The following UNC13C variants were observed in gnomAD, a reference collection of about 807,000 sequenced individuals.
UNC13C encodes protein unc-13 homolog C.
Under a neutral mutation model 245.4 loss-of-function variants are expected in UNC13C, and 174 were observed. The observed-to-expected ratio is 0.71, with a 90% CI of 0.63 to 0.80. UNC13C has a LOEUF of 0.80. UNC13C is among the 30% of genes least tolerant of loss of function. UNC13C has a pLI of 0.00. For synonymous variants in UNC13C, 992 were observed against 895.1 expected, an observed-to-expected ratio of 1.11 and a Z score of -1.93; for missense variants, 2,829 against 2,602.9, an observed-to-expected ratio of 1.09 and a Z score of -1.89.
At chr15:54,181,928 C>T (rs1321657355) in intron 4 of UNC13C, among the ~76,000 whole-genome samples, 2 of 151,900 alleles carry the variant, frequency 1.3e-5, no homozygotes, top group African/African-American at 4.8e-5. Flanking sequence ...TTCCAAAAGC[C>T]TTTTGGCAGA....
At chr15:54,088,201 CTTTTTTTTTTTTTTTTT>C (rs59075201) in intron 2 of UNC13C, among the ~76,000 whole-genome samples, 1 of 103,926 alleles carries the variant, frequency 9.6e-6, no homozygotes, top group Non-Finnish European at 1.9e-5. Context: ...CTTCCTTTTC[CTTTTTTTTTTTTTTTTT>C]TTTTTTTTTA....
intron 2 of UNC13C, among the ~76,000 whole-genome samples, chr15:54,133,165 A>T (rs1191033085): frequency 6.6e-6 from 1 of 152,180 alleles, no homozygotes; most frequent in African/African-American, 2.4e-5. Context: ...GAGCTAGAAG[A>T]TTTAGATAGA....
rs1246982047 is a variant in UNC13C at position 54,038,120 on chromosome 15, A to ATTTTTTTTTTTTTT, written c.2983+22235_2983+22236insTTTTTTTTTTTTTT. Reference sequence around the variant, plus strand: ...TATACATATATATATATATATATATATATATTTTTTTTTTTTTTTTCCTGA... The same window carrying ATTTTTTTTTTTTTT: ...TATACATATATATATATATATATATATTTTTTTTTTTTTTTATATTTTTTTTTTTTTTTTCCTGA... On this transcript the variant is annotated intron_variant, in intron 2 of 32. Transcript: ENST00000260323. 9.3e-4 allele frequency among the ~76,000 whole-genome samples: 42 copies of ATTTTTTTTTTTTTT among 45,176 alleles called. 2 individuals carry two copies. Among genetic ancestry groups the ATTTTTTTTTTTTTT allele is most frequent in the African/African-American group, 2.8e-3 (27 of 9,588 alleles). The allele number at this position is 45,176 out of a possible 152,430, so 29.6% of individuals were successfully genotyped here. A position where few individuals can be genotyped will look rare whatever the true frequency, so the allele number is the denominator to read the frequency against.
chr15:54,094,150 G>T (rs1322826373), intron 2 of UNC13C, among the ~76,000 whole-genome samples: 1 of 152,042 alleles, frequency 6.6e-6, no homozygotes, highest in African/African-American at 2.4e-5. Flanking sequence ...ATAAACTTTG[G>T]CTTAAGGACT....
chr15:54,110,690 G>A, intron 2 of UNC13C, among the ~76,000 whole-genome samples: 1 of 152,140 alleles, frequency 6.6e-6, no homozygotes, highest in East Asian at 1.9e-4. Context: ...TTAAACCAGA[G>A]GCTGGAGTAC....
chr15:54,372,150 C>T (rs1317904344), intron 17 of UNC13C, among the ~76,000 whole-genome samples: 1 of 152,018 alleles, frequency 6.6e-6, no homozygotes, highest in African/African-American at 2.4e-5. Context: ...TATTAAAAAG[C>T]TTGATTTAGT....
chr15:53,896,790 TTTA>T, the UNC13C span, among the ~76,000 whole-genome samples: 1 of 152,188 alleles, frequency 6.6e-6, no homozygotes, highest in Non-Finnish European at 1.5e-5. Context: ...CAATTCCTTT[TTTA>T]TTATGTCTGG....
Position 54,143,651 on chromosome 15 carries a change from C to T in UNC13C, c.3038C>T (p.Ala1013Val). 1 of 1,613,350 alleles carries T rather than the reference C, an allele frequency of 6.2e-7. No individual in the cohort carries two copies. Among genetic ancestry groups the T allele is most frequent in the Non-Finnish European group, 8.5e-7 (1 of 1,179,470 alleles). The change falls in exon 4 of 33, where the codon GCT becomes GTT. Residue 1013 changes from alanine (A) to valine (V), a missense_variant. Transcript: ENST00000260323. The part of the protein sequence containing the change: ...ARIVSGNDLD[A>V]SKFSALQVCG... ...ATAGTAAGTGGCAATGATTTGGATGCTTCCAAATTTTCTGCACTCCAGGTG... is the reference window on the plus strand; with the variant it reads ...ATAGTAAGTGGCAATGATTTGGATGTTTCCAAATTTTCTGCACTCCAGGTG...
At chr15:54,105,121 T>C (rs971335496) in intron 2 of UNC13C, among the ~76,000 whole-genome samples, 8 of 152,228 alleles carry the variant, frequency 5.3e-5, no homozygotes, top group African/African-American at 1.9e-4. Flanking sequence ...CAATAGTTCT[T>C]ATACAGGATT....
At chr15:53,908,773 G>T in the UNC13C span, among the ~76,000 whole-genome samples, 4 of 83,260 alleles carry the variant, frequency 4.8e-5, no homozygotes, top group Non-Finnish European at 5.6e-5. Flanking sequence ...AAAAAAAAGT[G>T]TATCTAAATA....
In UNC13C at chr15:54,101,873, C is replaced by T. The variant is rs893309511; in HGVS notation, c.2984-41145C>T. 5.9e-5 allele frequency among the ~76,000 whole-genome samples: 9 copies of T among 151,662 alleles called. No individual in the cohort carries two copies. In the South Asian group the frequency reaches 8.4e-4, roughly 14 times the overall value. On this transcript the variant is annotated intron_variant, in intron 2 of 32. Coordinates refer to ENST00000260323, the MANE Select transcript of UNC13C (RefSeq NM_001080534.3). Reference sequence around the variant, plus strand: ...TGCTGGGATCACAGGTGTGAGCCACCGTGCCCGGCCATCCTCCCCATTCTT... The same window carrying T: ...TGCTGGGATCACAGGTGTGAGCCACTGTGCCCGGCCATCCTCCCCATTCTT...
At chr15:53,955,335 A>G in the UNC13C span, among the ~76,000 whole-genome samples, 1 of 152,076 alleles carries the variant, frequency 6.6e-6, no homozygotes, top group South Asian at 2.1e-4. Flanking sequence ...TGGGAAAAGA[A>G]CAACTTAGAA....
At chr15:54,083,944 G>A (rs1393606736) in intron 2 of UNC13C, among the ~76,000 whole-genome samples, 1 of 152,168 alleles carries the variant, frequency 6.6e-6, no homozygotes, top group East Asian at 1.9e-4. Context: ...GCGCGAACTC[G>A]CTACCTGGTC....
intron 2 of UNC13C, among the ~76,000 whole-genome samples, chr15:54,083,134 T>C (rs898680345): frequency 6.6e-6 from 1 of 152,106 alleles, no homozygotes; most frequent in Admixed American, 6.5e-5. Flanking sequence ...TGTTGGGGTG[T>C]TCTAGGTCCC....
At chr15:54,205,406 A>G (rs2034675321) in intron 4 of UNC13C, among the ~76,000 whole-genome samples, 1 of 152,026 alleles carries the variant, frequency 6.6e-6, no homozygotes, top group East Asian at 1.9e-4. Flanking sequence ...CAAGCTCATT[A>G]AGCAATTCTT....
intron 2 of UNC13C, among the ~76,000 whole-genome samples, chr15:54,075,514 T>G (rs1239805359): frequency 8.5e-6 from 1 of 118,256 alleles, no homozygotes; most frequent in Non-Finnish European, 1.6e-5. Context: ...ATGGCGCCAC[T>G]GCACTCCAGC....
chr15:54,354,233 A>C (rs2140849066), intron 17 of UNC13C, among the ~76,000 whole-genome samples: 1 of 152,164 alleles, frequency 6.6e-6, no homozygotes, highest in African/African-American at 2.4e-5. Context: ...GATTAAATGA[A>C]AGAATGTTTG....
At chr15:54,543,994 A>C (rs539584574) in intron 26 of UNC13C, among the ~76,000 whole-genome samples, 1 of 152,348 alleles carries the variant, frequency 6.6e-6, no homozygotes, top group South Asian at 2.1e-4. Context: ...TACAACAAAA[A>C]AAGAGAATTT....
intron 27 of UNC13C, among the ~76,000 whole-genome samples, 172 bp from the exon 28 acceptor site, chr15:54,549,463 C>T (rs527301122): frequency 7.5e-4 from 114 of 152,200 alleles, no homozygotes; most frequent in African/African-American, 2.6e-3. Context: ...ATACTGCCAG[C>T]GGTACTAGAT....
Sources: gnomAD v4.1 joint callset for allele counts (sites outside exome capture counted in the v4.1 genomes callset) on GRCh38, gnomAD v4.1.1 for gene constraint, MANE v1.5 for transcripts, NCBI Gene and HGNC (gene_info 2026-07-23, HGNC 2026-07-21) for gene names.